FLI1: variants seen among roughly 807,000 people sequenced by gnomAD.
The protein encoded by FLI1 is Friend leukemia integration 1 transcription factor.
A neutral mutation model predicts 53.1 loss-of-function variants in FLI1; 13 were observed. The ratio of observed to expected loss-of-function variants is 0.24; its 90% CI spans 0.16 to 0.39. FLI1 has a LOEUF of 0.39. FLI1 is among the 10% of genes least tolerant of loss of function. FLI1 has a pLI of 1.00. For missense variants in FLI1, 424 were observed against 600.5 expected (o/e 0.71, Z 3.07); for synonymous variants, 244 against 236.7 (o/e 1.03, Z -0.28).
chr11:128,760,843 G>A (rs185362549), intron 2 of FLI1, among the ~76,000 whole-genome samples: 36 of 152,148 alleles, frequency 2.4e-4, no homozygotes, highest in African/African-American at 8.4e-4. Flanking sequence ...AGATTCTCTG[G>A]CCTGTTGTAA....
At chr11:128,809,487 C>T (rs192885596) in intron 8 of FLI1, among the ~76,000 whole-genome samples, 187 of 152,292 alleles carry the variant, frequency 1.2e-3, no homozygotes, top group African/African-American at 4.1e-3. Flanking sequence ...GGTAGGTAGG[C>T]GTTTCAATCA....
chr11:128,777,621 A>C (rs1941776035), intron 4 of FLI1, among the ~76,000 whole-genome samples: 1 of 152,236 alleles, frequency 6.6e-6, no homozygotes, highest in South Asian at 2.1e-4. Context: ...ACAAAAGGCC[A>C]GGTTTCCCTG....
chr11:128,793,050 C>T (rs950434194), intron 5 of FLI1, among the ~76,000 whole-genome samples: 1 of 151,930 alleles, frequency 6.6e-6, no homozygotes, highest in African/African-American at 2.4e-5. Flanking sequence ...CCCGGGAGAT[C>T]GAGGCTGCCA....
At chr11:128,691,279 C>T (rs1591721148), upstream of FLI1, among the ~76,000 whole-genome samples, 1 of 152,182 alleles carries the variant, frequency 6.6e-6, no homozygotes, top group East Asian at 1.9e-4. Context: ...TAGGGCGCTT[C>T]CCCCATCCCC....
At chr11:128,801,411 A>T (rs1942632695) in intron 5 of FLI1, among the ~76,000 whole-genome samples, 2 of 152,232 alleles carry the variant, frequency 1.3e-5, no homozygotes. Context: ...TTCTTGAGTG[A>T]CTTTTAGTAG....
intron 1 of FLI1, among the ~76,000 whole-genome samples, chr11:128,724,220 C>T (rs970751049): frequency 2.0e-5 from 3 of 152,174 alleles, no homozygotes; most frequent in East Asian, 1.9e-4. Context: ...GCTGGGATTA[C>T]AGGCATGAGC....
At chr11:128,754,235 A>ATGTG (rs57171401) in intron 1 of FLI1, among the ~76,000 whole-genome samples, 7,535 of 145,684 alleles carry the variant, frequency 0.052, 316 homozygotes, top group African/African-American at 0.11. Flanking sequence ...TAGAAGGGGG[A>ATGTG]TGTGTGTGTG....
chr11:128,781,454 G>A (rs1348253780), intron 4 of FLI1, among the ~76,000 whole-genome samples: 1 of 152,222 alleles, frequency 6.6e-6, no homozygotes, highest in Non-Finnish European at 1.5e-5. Flanking sequence ...CTGTGCAACA[G>A]AGATTGTAGT....
At chr11:128,697,338 GAGAATGA>G (rs1938123924) in intron 1 of FLI1, among the ~76,000 whole-genome samples, 2 of 152,234 alleles carry the variant, frequency 1.3e-5, no homozygotes, top group Non-Finnish European at 2.9e-5. Context: ...GTGGGAAATA[GAGAATGA>G]ACAGTGGATT....
chr11:128,711,849 T>C (rs959301635), intron 1 of FLI1, among the ~76,000 whole-genome samples: 14 of 152,260 alleles, frequency 9.2e-5, no homozygotes, highest in African/African-American at 3.4e-4. Context: ...GTAATATTTC[T>C]TCTTAAGTAT....
At chr11:128,777,840 GC>G (rs36062421) in intron 4 of FLI1, among the ~76,000 whole-genome samples, 1 of 152,036 alleles carries the variant, frequency 6.6e-6, no homozygotes, top group Non-Finnish European at 1.5e-5. Flanking sequence ...GGACGCTTGC[GC>G]CCCCTGGCCC....
At chr11:128,760,002 C>G (rs1356136795) in intron 2 of FLI1, among the ~76,000 whole-genome samples, 1 of 152,154 alleles carries the variant, frequency 6.6e-6, no homozygotes, top group Non-Finnish European at 1.5e-5. Context: ...TTCAACCCTA[C>G]TAACCAAAAC....
At chr11:128,706,371 A>G (rs948039962) in intron 1 of FLI1, among the ~76,000 whole-genome samples, 1 of 152,174 alleles carries the variant, frequency 6.6e-6, no homozygotes, top group Non-Finnish European at 1.5e-5. Context: ...CACTCTACAC[A>G]TTACTACTGA....
rs926050962 is a variant in FLI1 at position 128,811,663 on chromosome 11, T to C, written c.*675T>C. 4.3e-5 allele frequency: 9 copies of C among 207,262 alleles called. No homozygotes were observed. The highest frequency in any genetic ancestry group is 8.9e-5 in the Non-Finnish European group (9 of 101,562). 12.8% of individuals were successfully genotyped at this position (207,262 alleles called of 1,614,324 possible). On this transcript the variant is annotated 3_prime_UTR_variant, in exon 9 of 9. Transcript: ENST00000527786. ...GAAATTTTAATGCAAATACATACAT[T>C]CCTGAAAGACGGGGAATTAAATTAC...
chr11:128,808,073 G>T (rs1942832122), intron 7 of FLI1, among the ~76,000 whole-genome samples: 2 of 152,130 alleles, frequency 1.3e-5, no homozygotes, highest in Admixed American at 1.3e-4. Flanking sequence ...CACCTGGAAG[G>T]TTAAGAAAAA....
intron 2 of FLI1, among the ~76,000 whole-genome samples, chr11:128,762,848 C>A (rs1941177105): frequency 6.6e-6 from 1 of 151,998 alleles, no homozygotes; most frequent in East Asian, 1.9e-4. Flanking sequence ...CCCACCTACT[C>A]AGGAGGCTGA....
intron 5 of FLI1, among the ~76,000 whole-genome samples, chr11:128,783,400 T>C (rs990569088): frequency 6.6e-6 from 1 of 152,246 alleles, no homozygotes; most frequent in African/African-American, 2.4e-5. Flanking sequence ...TACAACATAA[T>C]GAATCCGCTT....
At chr11:128,803,083 A>G (rs187832736) in intron 5 of FLI1, among the ~76,000 whole-genome samples, 1 of 152,330 alleles carries the variant, frequency 6.6e-6, no homozygotes, top group Non-Finnish European at 1.5e-5. Flanking sequence ...TTATCCATGC[A>G]GTAAGTCAGA....
intron 5 of FLI1, 82 bp from the exon 6 acceptor site, chr11:128,805,284 C>A: frequency 1.3e-6 from 1 of 761,544 alleles, no homozygotes; most frequent in Non-Finnish European, 2.2e-6. Context: ...TTTATTTCTC[C>A]TGATCACTAC....
Sources: gnomAD v4.1 joint callset for allele counts (sites outside exome capture counted in the v4.1 genomes callset) on GRCh38, gnomAD v4.1.1 for gene constraint, MANE v1.5 for transcripts, NCBI Gene and HGNC (gene_info 2026-07-23, HGNC 2026-07-21) for gene names.